Variants in CNTN5 observed in about 807,000 individuals in gnomAD.
CNTN5 encodes contactin 5, also known as contactin-5.
Under a neutral mutation model 129.1 loss-of-function variants are expected in CNTN5, and 77 were observed. That is an observed-to-expected ratio of 0.60 (90% CI 0.50 to 0.72). The LOEUF (loss-of-function observed/expected upper bound fraction) is 0.72, where lower values mean the gene tolerates loss of function less well. CNTN5 is among the 30% of genes least tolerant of loss of function. The pLI is 0.00. For missense variants in CNTN5, 1,478 were observed against 1,328.8 expected, an observed-to-expected ratio of 1.11 and a Z score of -1.75; for synonymous variants, 509 against 465.6, an observed-to-expected ratio of 1.09 and a Z score of -1.20.
chr11:99,790,799 G>GCCAT (rs1435861933), intron 3 of CNTN5, among the ~76,000 whole-genome samples: 3 of 152,018 alleles, frequency 2.0e-5, no homozygotes, highest in Admixed American at 2.0e-4. Context: ...CAACATATAA[G>GCCAT]CCATCCCTTT....
At chr11:99,846,697 C>T (rs1947710238) in intron 6 of CNTN5, among the ~76,000 whole-genome samples, 1 of 151,828 alleles carries the variant, frequency 6.6e-6, no homozygotes. Context: ...TAATCTTTCC[C>T]AGGTATCATT....
At chr11:99,785,881 A>G (rs1173273558) in intron 3 of CNTN5, among the ~76,000 whole-genome samples, 1 of 152,140 alleles carries the variant, frequency 6.6e-6, no homozygotes, top group African/African-American at 2.4e-5. Flanking sequence ...ATTTATGACA[A>G]ACTCACAGCC....
At chr11:99,685,219 C>T (rs372609124) in intron 3 of CNTN5, among the ~76,000 whole-genome samples, 57 of 151,262 alleles carry the variant, frequency 3.8e-4, no homozygotes, top group African/African-American at 1.4e-3. Flanking sequence ...TTTTCTATTG[C>T]TTTAAGGCTT....
chr11:99,957,323 A>G (rs1950829699), intron 8 of CNTN5, among the ~76,000 whole-genome samples: 1 of 152,314 alleles, frequency 6.6e-6, no homozygotes, highest in South Asian at 2.1e-4. Flanking sequence ...CAGTGCCTCT[A>G]TATAACATAT....
At chr11:99,804,497 G>A (rs1334048005) in intron 3 of CNTN5, among the ~76,000 whole-genome samples, 1 of 150,724 alleles carries the variant, frequency 6.6e-6, no homozygotes, top group African/African-American at 2.4e-5. Context: ...TTCACCTAAA[G>A]CCATGAGTCT....
intron 3 of CNTN5, among the ~76,000 whole-genome samples, chr11:99,699,369 GTTT>G (rs1202446389): frequency 6.6e-6 from 1 of 151,382 alleles, no homozygotes; most frequent in Non-Finnish European, 1.5e-5. Flanking sequence ...CCTAATTTGA[GTTT>G]TTATCACTCT....
chr11:100,171,166 G>T (rs2138409320), intron 13 of CNTN5, among the ~76,000 whole-genome samples: 1 of 152,040 alleles, frequency 6.6e-6, no homozygotes, highest in East Asian at 1.9e-4. Context: ...TAAATAAAAT[G>T]AGTTCTTTTA....
At chr11:100,267,276 CACACAGAG>C (rs1159463766) in intron 17 of CNTN5, among the ~76,000 whole-genome samples, 2 of 134,930 alleles carry the variant, frequency 1.5e-5, no homozygotes, top group South Asian at 2.5e-4. Flanking sequence ...CACACACACA[CACACAGAG>C]AGAGAGAGAA....
intron 3 of CNTN5, among the ~76,000 whole-genome samples, chr11:99,656,097 C>A (rs2135898682): frequency 6.6e-6 from 1 of 151,906 alleles, no homozygotes. Flanking sequence ...ATTGTGGAGC[C>A]TCTGAAGAGC....
chr11:99,666,529 G>A (rs1372821102), intron 3 of CNTN5, among the ~76,000 whole-genome samples: 4 of 152,278 alleles, frequency 2.6e-5, no homozygotes, highest in African/African-American at 9.6e-5. Flanking sequence ...GAAACCAAGA[G>A]TAGATTAAAA....
intron 3 of CNTN5, among the ~76,000 whole-genome samples, chr11:99,694,396 TAAGTATC>T (rs1270772929): frequency 2.6e-5 from 4 of 152,072 alleles, no homozygotes; most frequent in Admixed American, 6.6e-5. Context: ...AAGGCAAAAA[TAAGTATC>T]ATGTAGCCTT....
intron 2 of CNTN5, among the ~76,000 whole-genome samples, chr11:99,545,946 A>C (rs1356186021): frequency 6.6e-6 from 1 of 152,156 alleles, no homozygotes; most frequent in East Asian, 1.9e-4. Context: ...AAATGGATAC[A>C]AATCTGTTCT....
chr11:99,988,214 A>G (rs1433598872), intron 8 of CNTN5, among the ~76,000 whole-genome samples: 3 of 152,248 alleles, frequency 2.0e-5, no homozygotes, highest in Non-Finnish European at 4.4e-5. Flanking sequence ...GAATGCTGGC[A>G]TTCTCCACAA....
chr11:100,033,372 G>A (rs986007072), intron 9 of CNTN5, among the ~76,000 whole-genome samples: 3 of 152,156 alleles, frequency 2.0e-5, no homozygotes, highest in Admixed American at 6.5e-5. Context: ...ATTACATTGC[G>A]TCTGAACTAA....
chr11:99,778,103 C>G (rs1945188137), intron 3 of CNTN5, among the ~76,000 whole-genome samples: 1 of 151,774 alleles, frequency 6.6e-6, no homozygotes, highest in African/African-American at 2.4e-5. Flanking sequence ...ACCAGATGCA[C>G]TGTTCACATC....
intron 15 of CNTN5, among the ~76,000 whole-genome samples, chr11:100,215,165 C>T (rs1949112059): frequency 6.6e-6 from 1 of 152,184 alleles, no homozygotes; most frequent in African/African-American, 2.4e-5. Flanking sequence ...CTAGCTTAGC[C>T]TTTTTCACAT....
At chr11:99,171,648 C>T (rs540155998) in intron 1 of CNTN5, among the ~76,000 whole-genome samples, 1 of 152,132 alleles carries the variant, frequency 6.6e-6, no homozygotes, top group Admixed American at 6.5e-5. Context: ...CTAATGCCTA[C>T]TGAATCAGAA....
chr11:100,125,112 T>C (rs1056938304), intron 13 of CNTN5, among the ~76,000 whole-genome samples: 1 of 152,068 alleles, frequency 6.6e-6, no homozygotes, highest in Non-Finnish European at 1.5e-5. Flanking sequence ...GAAGATGTTA[T>C]AGAAAATAAA....
chr11:99,259,201 T>C (rs545950574), intron 1 of CNTN5, among the ~76,000 whole-genome samples: 20 of 152,042 alleles, frequency 1.3e-4, no homozygotes, highest in Non-Finnish European at 2.1e-4. Flanking sequence ...CCATTTATTT[T>C]CTGAATTTAA....
Sources: gnomAD v4.1 joint callset for allele counts (sites outside exome capture counted in the v4.1 genomes callset) on GRCh38, gnomAD v4.1.1 for gene constraint, MANE v1.5 for transcripts, NCBI Gene and HGNC (gene_info 2026-07-23, HGNC 2026-07-21) for gene names.